Variants in ALDH3A2 observed in about 807,000 individuals in gnomAD.
The protein encoded by ALDH3A2 is aldehyde dehydrogenase 3 family member A2, also known as aldehyde dehydrogenase family 3 member A2.
A neutral mutation model predicts 51.3 loss-of-function variants in ALDH3A2; 36 were observed. That is an observed-to-expected ratio of 0.70 (90% confidence interval 0.54 to 0.93). The LOEUF is 0.93. ALDH3A2 is among the 40% of genes least tolerant of loss of function. The probability of loss-of-function intolerance (pLI) is 0.00; values close to 1 mark genes in which losing one functional copy is unlikely to be tolerated. For synonymous variants in ALDH3A2, 199 were observed against 219.8 expected, an observed-to-expected ratio of 0.91 and a Z score of 0.84; for missense variants, 552 against 603.1, an observed-to-expected ratio of 0.92 and a Z score of 0.89.
intron 5 of ALDH3A2, among the ~76,000 whole-genome samples, chr17:19,660,453 C>T (rs16960280): frequency 0.025 from 3,871 of 152,126 alleles, 200 homozygotes; most frequent in East Asian, 0.21. Flanking sequence ...ATTGGGAACT[C>T]TCACAAGGCT....
intron 4 of ALDH3A2, 144 bp from the exon 5 acceptor site, chr17:19,657,601 T>C (rs2084913548): frequency 1.4e-6 from 1 of 708,008 alleles, no homozygotes; most frequent in Non-Finnish European, 2.5e-6. Context: ...GATTTAGAAA[T>C]GAGTTTTTAA....
rs1370824361 is a variant in ALDH3A2, at chr17:19,656,560, G to A, written c.666G>A (p.Leu222=). The part of the protein sequence containing the change: ...SPCYIDKDCD[L]DIVCRRITWG... ...GTTATATTGATAAAGATTGTGACCTGGACATTGTTTGCAGGTGAGTCTGGC... is the reference window on the plus strand; with the variant it reads ...GTTATATTGATAAAGATTGTGACCTAGACATTGTTTGCAGGTGAGTCTGGC... Residue 222 remains leucine, a synonymous_variant, in exon 4 of 10, where the codon CTG becomes CTA. Transcript: ENST00000176643. The A allele has an allele frequency of 1.9e-6, 3 of 1,612,500 alleles. No individual in the cohort carries two copies. The highest frequency in any genetic ancestry group is 1.7e-6 in the Non-Finnish European group (2 of 1,179,264).
chr17:19,665,060 T>G lies in ALDH3A2; in HGVS notation c.1207+13T>G, dbSNP rs1597566342. The G allele has an allele frequency of 6.2e-7, 1 of 1,601,812 alleles. No individual in the cohort carries two copies. Among genetic ancestry groups the G allele is most frequent in the South Asian group, 1.1e-5 (1 of 90,830 alleles). Reference sequence around the variant, plus strand: ...TTTGGAGGAGTGGGTGAGTCTTATTTTCTCCTGCTTGTAGTAGATATTTCA... The same window carrying G: ...TTTGGAGGAGTGGGTGAGTCTTATTGTCTCCTGCTTGTAGTAGATATTTCA... On this transcript the variant is annotated intron_variant, in intron 8 of 9. Transcript: ENST00000176643.
intron 1 of ALDH3A2, 108 bp downstream of exon 1, chr17:19,649,232 G>A (rs2084781165): frequency 7.2e-7 from 1 of 1,398,154 alleles, no homozygotes; most frequent in Non-Finnish European, 9.6e-7. Context: ...GATTACTCCA[G>A]CACTGGGAGT....
chr17:19,653,684 C>A (rs1316335786), intron 3 of ALDH3A2, among the ~76,000 whole-genome samples: 1 of 152,130 alleles, frequency 6.6e-6, no homozygotes, highest in Non-Finnish European at 1.5e-5. Context: ...CAGCTCATAA[C>A]GGCAGTGCGG....
chr17:19,650,423 G>A (rs904634922), intron 1 of ALDH3A2, among the ~76,000 whole-genome samples: 3 of 151,938 alleles, frequency 2.0e-5, no homozygotes, highest in African/African-American at 7.3e-5. Context: ...TAGGACTACA[G>A]GCATGAGGCT....
intron 9 of ALDH3A2, among the ~76,000 whole-genome samples, chr17:19,672,812 G>T (rs910917622): frequency 6.6e-6 from 1 of 152,098 alleles, no homozygotes; most frequent in Non-Finnish European, 1.5e-5. Context: ...GGAGGCTGAG[G>T]CAGGGGAATC....
At position 19,661,101 on chromosome 17, in the gene ALDH3A2, T is replaced by A. The variant is rs780521810; in HGVS notation, c.799-26T>A. 4.4e-6 allele frequency: 7 copies of A among 1,602,610 alleles called. No homozygotes were observed. The South Asian group carries it at 7.7e-5, about 18-fold the overall frequency. The stretch of plus-strand genomic sequence containing the variant: ...ATTGAATTGTGGGTCTTTGTGACAT[T>A]TATATACTCCTGTTGTTTTAAATAG... On this transcript the variant is annotated intron_variant, in intron 5 of 9. Coordinates refer to ENST00000176643, the MANE Select transcript of ALDH3A2 (RefSeq NM_000382.3).
chr17:19,673,360 T>C (rs2085145628), intron 9 of ALDH3A2: 2 of 1,435,124 alleles, frequency 1.4e-6, no homozygotes, highest in Admixed American at 5.3e-5. Context: ...GTTTTTGTTT[T>C]TGTTTTTGTT....
intron 6 of ALDH3A2, 139 bp from the exon 7 acceptor site, chr17:19,663,194 G>A (rs2084989690): frequency 4.2e-6 from 4 of 946,366 alleles, no homozygotes; most frequent in East Asian, 2.6e-5. Flanking sequence ...GTTCATCCAC[G>A]TGCTCAGGAT....
intron 3 of ALDH3A2, among the ~76,000 whole-genome samples, chr17:19,653,148 G>A (rs1354569372): frequency 5.3e-5 from 8 of 151,436 alleles, no homozygotes; most frequent in African/African-American, 9.7e-5. Flanking sequence ...GGGTGCAAGC[G>A]ATTCTTCTGC....
rs1180720542 is a variant in ALDH3A2 at position 19,672,299 on chromosome 17, G to C, written c.1443+343G>C. On this transcript the variant is annotated intron_variant, in intron 9 of 9. Transcript: ENST00000176643. ...GAACTTGATTGCAGAATTCTGAGCT[G>C]TCTGATCAAAGGGTTAGCCCTTTGA... is the stretch of plus-strand genomic sequence containing the variant. The C allele has an allele frequency of 1.1e-5, 4 of 348,500 alleles. No homozygotes were observed. In the East Asian group the frequency reaches 1.9e-4, roughly 17 times the overall value. The allele number at this position is 348,500 out of a possible 1,614,324, so 21.6% of individuals were successfully genotyped here. A position where few individuals can be genotyped will look rare whatever the true frequency, so the allele number is the denominator to read the frequency against.
At chr17:19,664,147 G>A (rs1054510577) in intron 7 of ALDH3A2, among the ~76,000 whole-genome samples, 3 of 152,226 alleles carry the variant, frequency 2.0e-5, no homozygotes, top group Non-Finnish European at 2.9e-5. Context: ...AGACTATTGA[G>A]ATACAGATAG....
rs2085208946 is a variant in ALDH3A2, at chr17:19,677,486, G to A, written c.*1914G>A. The A allele has an allele frequency of 1.3e-5, 2 of 152,054 alleles. No individual in the cohort carries two copies. Among genetic ancestry groups the A allele is most frequent in the Admixed American group, 6.5e-5 (1 of 15,272 alleles). The allele number at this position is 152,054 out of a possible 1,614,324, so 9.4% of individuals were successfully genotyped here. A position where few individuals can be genotyped will look rare whatever the true frequency, so the allele number is the denominator to read the frequency against. On this transcript the variant is annotated 3_prime_UTR_variant, in exon 10 of 10. Coordinates refer to ENST00000176643, the MANE Select transcript of ALDH3A2 (RefSeq NM_000382.3). Reference sequence around the variant, plus strand: ...AAAATGAACATATTTCATAAAATTGGCATCAATTTTAATGACGCTCCTGGT... The same window carrying A: ...AAAATGAACATATTTCATAAAATTGACATCAATTTTAATGACGCTCCTGGT...
Position 19,651,566 on chromosome 17 carries a change from G to T in ALDH3A2, c.173G>T (p.Ser58Ile). The T allele has an allele frequency of 6.2e-7, 1 of 1,613,846 alleles. No homozygotes were observed. Among genetic ancestry groups the T allele is most frequent in the Non-Finnish European group, 8.5e-7 (1 of 1,179,712 alleles). ...TAACAGAGTGAATTCAATGTGTACA[G>T]TCAGGAAGTCATTACTGTCCTTGGG... The part of the protein sequence containing the change: ...DLCKSEFNVY[S>I]QEVITVLGEI... Residue 58 changes from serine to isoleucine, a missense_variant, in exon 2 of 10, where the codon AGT becomes ATT. Coordinates refer to ENST00000176643, the MANE Select transcript of ALDH3A2 (RefSeq NM_000382.3).
intron 2 of ALDH3A2, 77 bp downstream of exon 2, chr17:19,651,855 G>T: frequency 7.5e-7 from 1 of 1,325,576 alleles, no homozygotes; most frequent in Non-Finnish European, 1.1e-6. Flanking sequence ...TAAGGATAGT[G>T]GCTAATTAAA....
Position 19,675,785 on chromosome 17 carries a change from G to C in ALDH3A2, c.*213G>C. 1 of 606,770 alleles carries C rather than the reference G, an allele frequency of 1.6e-6. No homozygotes were observed. The highest frequency in any genetic ancestry group is 2.9e-6 in the Non-Finnish European group (1 of 343,612). The allele number at this position is 606,770 out of a possible 1,614,324, so 37.6% of individuals were successfully genotyped here. A position where few individuals can be genotyped will look rare whatever the true frequency, so the allele number is the denominator to read the frequency against. The stretch of plus-strand genomic sequence containing the variant: ...CCCTAATAGGGTATTCAGGGAACCT[G>C]TCTTAAATTGTGCTTATCTAAATCT... On this transcript the variant is annotated 3_prime_UTR_variant, in exon 10 of 10. Transcript: ENST00000176643.
Position 19,656,414 on chromosome 17 carries a change from C to T in ALDH3A2, c.520C>T (p.Leu174=), listed in dbSNP as rs571845978. Residue 174 remains leucine, a synonymous_variant, in exon 4 of 10, where the codon CTG becomes TTG. Transcript: ENST00000176643. ...NGGVEETTEL[L]KQRFDHIFYT... is the part of the protein sequence containing the mutation. ...TGGTGTTGAGGAAACCACGGAGCTC[C>T]TGAAGCAGCGATTTGACCACATTTT... The T allele has an allele frequency of 1.2e-6, 2 of 1,614,172 alleles. No individual in the cohort carries two copies. The highest frequency in any genetic ancestry group is 2.7e-5 in the African/African-American group (2 of 75,044).
rs1431635953 is a variant in ALDH3A2, at chr17:19,654,308, G to A, written c.471+1676G>A. Among the ~76,000 whole-genome samples the A allele has an allele frequency of 6.6e-6, 1 of 152,270 alleles. No homozygotes were observed. Among genetic ancestry groups the A allele is most frequent in the Non-Finnish European group, 1.5e-5 (1 of 68,050 alleles). On this transcript the variant is annotated intron_variant, in intron 3 of 9. Coordinates refer to ENST00000176643, the MANE Select transcript of ALDH3A2 (RefSeq NM_000382.3). The surrounding 1 kb of genome is among the most constrained non-coding windows in gnomAD (Gnocchi z 4.5). ...GCTGCCCATCAGTCCAGCGCTGCGC[G>A]CCTGCACCCCTCAGCCCTTGGGCGG...
Sources: allele counts gnomAD v4.1 joint callset (sites outside exome capture counted in the v4.1 genomes callset), GRCh38; gene constraint gnomAD v4.1.1; non-coding constraint Gnocchi (gnomAD v3.1); transcripts MANE v1.5; gene names NCBI Gene and HGNC (gene_info 2026-07-23, HGNC 2026-07-21).